The following CFAP65 variants were observed in gnomAD, a reference collection of about 807,000 sequenced individuals.
CFAP65 encodes cilia- and flagella-associated protein 65.
A neutral mutation model predicts 208.0 loss-of-function variants in CFAP65; 155 were observed. The observed-to-expected ratio is 0.75, with a 90% CI of 0.65 to 0.85. CFAP65 has a LOEUF of 0.85. Among genes scored for constraint, CFAP65 ranks in the 40% least tolerant of loss-of-function variants. The pLI is 0.00. For missense variants in CFAP65, 2,294 were observed against 2,451.3 expected, an observed-to-expected ratio of 0.94 and a Z score of 1.36; for synonymous variants, 970 against 986.3, an observed-to-expected ratio of 0.98 and a Z score of 0.31.
chr2:219,010,667 G>T lies in CFAP65; in HGVS notation c.4187C>A (p.Ala1396Asp), dbSNP rs370479652. The T allele has an allele frequency of 1.6e-5, 25 of 1,610,420 alleles. No individual in the cohort carries two copies. The highest frequency in any genetic ancestry group is 2.0e-5 in the Non-Finnish European group (23 of 1,178,916). ...GCCCACTCCCTGGAAGTGGATGAGGGCCGAGTTCCATCCCAGGATGTGTAT... is the reference window on the plus strand; with the variant it reads ...GCCCACTCCCTGGAAGTGGATGAGGTCCGAGTTCCATCCCAGGATGTGTAT... ...VPIHILGWNS[A>D]LIHFQGVGYN... The change falls in exon 26 of 35, where the codon GCC becomes GAC. Residue 1396 changes from alanine (A) to aspartate (D), a missense_variant. Coordinates refer to ENST00000341552, the MANE Select transcript of CFAP65 (RefSeq NM_194302.4).
At position 219,005,499 on chromosome 2, in the gene CFAP65, G is replaced by T; in HGVS notation, c.4986C>A (p.Asn1662Lys). Residue 1662 changes from asparagine (N) to lysine (K), a missense_variant, in exon 32 of 35, where the codon AAC (asparagine) becomes AAA (lysine). Physicochemically the swap from Asn to Lys is moderately conservative, Grantham distance 94. Transcript: ENST00000341552. ...TCTGCTTGGAAACAGGGCCCCACTT[G>T]TTAGGGGATTTTTCCTCAGAAGTCT... is the stretch of plus-strand genomic sequence containing the variant. ...ESETSEEKSP[N>K]KWGPVSKQKK... 2.5e-6 allele frequency: 4 copies of T among 1,613,546 alleles called. No homozygotes were observed. Among genetic ancestry groups the T allele is most frequent in the Middle Eastern group, 1.7e-4 (1 of 5,850 alleles).
Position 219,004,297 on chromosome 2 carries a change from C to A in CFAP65, c.5210G>T (p.Ser1737Ile). ...LMPILPVPSS[S>I]WEDGKGKQPK... ...CTGCTTGCCCTTCCCATCCTCCCAG[C>A]TGCTGGAGGGTACAGGCAGGATTGG... is the stretch of plus-strand genomic sequence containing the variant. The change falls in exon 33 of 35, where the codon AGC becomes ATC. Residue 1737 changes from serine (S) to isoleucine (I), a missense_variant. By Grantham distance (142) the Ser-to-Ile change is moderately radical (BLOSUM62 -2). Transcript: ENST00000341552. The surrounding 1 kb of genome is among the most constrained non-coding windows in gnomAD (Gnocchi z 4.7). 2 of 1,614,154 alleles carry A rather than the reference C, an allele frequency of 1.2e-6. No individual in the cohort carries two copies. Among genetic ancestry groups the A allele is most frequent in the South Asian group, 2.2e-5 (2 of 91,082 alleles).
At chr2:219,011,270 CTTT>C (rs528817484) in intron 24 of CFAP65, among the ~76,000 whole-genome samples, 2 of 107,098 alleles carry the variant, frequency 1.9e-5, no homozygotes, top group African/African-American at 3.6e-5. Context: ...CTTTTTCTTT[CTTT>C]TTTTTTTTTT....
At chr2:219,040,199 T>A (rs1948588440) in intron 2 of CFAP65, among the ~76,000 whole-genome samples, 1 of 152,166 alleles carries the variant, frequency 6.6e-6, no homozygotes, top group African/African-American at 2.4e-5. Context: ...ACTTGCCCAT[T>A]TATTTGGCCT....
At chr2:219,028,611 C>G (rs1029717824) in intron 11 of CFAP65, among the ~76,000 whole-genome samples, 1 of 152,072 alleles carries the variant, frequency 6.6e-6, no homozygotes, top group African/African-American at 2.4e-5. Context: ...GAGAGCACCC[C>G]GGTCCTTAGG....
At chr2:219,017,310 G>A (rs1559132197) in intron 21 of CFAP65, among the ~76,000 whole-genome samples, 2 of 152,260 alleles carry the variant, frequency 1.3e-5, no homozygotes, top group African/African-American at 2.4e-5. Context: ...AAGCAGAGGC[G>A]CGAAGGGGAG....
chr2:219,013,490 AG>A, intron 23 of CFAP65, 28 bp downstream of exon 23: 1 of 1,585,372 alleles, frequency 6.3e-7, no homozygotes, highest in Non-Finnish European at 8.6e-7. Context: ...GCCTGAAACT[AG>A]GGCAGGGCCA....
Position 219,031,442 on chromosome 2 carries a change from T to G in CFAP65, c.815+47A>C, listed in dbSNP as rs753857030. 6.2e-7 allele frequency: 1 copy of G among 1,613,412 alleles called. No homozygotes were observed. Among genetic ancestry groups the G allele is most frequent in the Admixed American group, 1.7e-5 (1 of 59,968 alleles). On this transcript the variant is annotated intron_variant, in intron 7 of 34. Coordinates refer to ENST00000341552, the MANE Select transcript of CFAP65 (RefSeq NM_194302.4). The surrounding 1 kb of genome is among the most constrained non-coding windows in gnomAD (Gnocchi z 5.2). ...CTGTCTCTCCTGCTTCCAGACACCC[T>G]CCTCACAGCTCTTGCTCTCCCCGCC... is the stretch of plus-strand genomic sequence containing the variant.
Position 219,005,519 on chromosome 2 carries a change from A to G in CFAP65, c.4966T>C (p.Ser1656Pro), listed in dbSNP as rs115409821. 1,130 of 1,612,990 alleles carry G rather than the reference A, an allele frequency of 7.0e-4. 7 individuals carry two copies. In the African/African-American group the frequency reaches 0.014, roughly 20 times the overall value. ...CACTTGTTAGGGGATTTTTCCTCAG[A>G]AGTCTCTGACTCTTCCCTGGGGGCC... ...RKAPREESET[S>P]EEKSPNKWGP... Residue 1656 changes from serine (S) to proline (P), a missense_variant, in exon 32 of 35, where the codon TCT becomes CCT. By Grantham distance (74) the Ser-to-Pro change is moderately conservative (BLOSUM62 -1). Around this residue, in one of 2 missense-constraint regions of CFAP65, gnomAD observed 1,427 missense variants for 1,438.7 expected, o/e 0.99. Coordinates refer to ENST00000341552, the MANE Select transcript of CFAP65 (RefSeq NM_194302.4).
Position 219,003,245 on chromosome 2 carries a change from C to A in CFAP65, c.5583G>T (p.Glu1861Asp). ...RRLPAFANLQ[E>D]ALLENMIQNI... ...TCTGGATCATGTTCTCCAGCAGCGC[C>A]TCCTGCAGGTTGGCGAAGGCCGGGA... Residue 1861 changes from glutamate to aspartate, a missense_variant, in exon 34 of 35, where the codon GAG becomes GAT. Physicochemically the swap from Glu to Asp is conservative, Grantham distance 45 (BLOSUM62 2). Coordinates refer to ENST00000341552, the MANE Select transcript of CFAP65 (RefSeq NM_194302.4). This position sits in a 1 kb window ranked among gnomAD's most constrained non-coding sequence, Gnocchi z 4.4. The A allele has an allele frequency of 6.5e-7, 1 of 1,546,084 alleles. No homozygotes were observed. The highest frequency in any genetic ancestry group is 1.2e-5 in the South Asian group (1 of 83,818).
At chr2:219,030,327 G>T in intron 9 of CFAP65, 119 bp from the exon 10 acceptor site, 1 of 1,047,296 alleles carries the variant, frequency 9.5e-7, no homozygotes, top group Non-Finnish European at 1.4e-6. Context: ...CTGGCATCCA[G>T]CCTGTGCCCC....
chr2:219,029,602 T>A lies in CFAP65; in HGVS notation c.1451A>T (p.Glu484Val). 6.2e-7 allele frequency: 1 copy of A among 1,614,104 alleles called. No homozygotes were observed. The highest frequency in any genetic ancestry group is 8.5e-7 in the Non-Finnish European group (1 of 1,180,010). ...TTGGTTCTCAATCCACAGGGGCTGC[T>A]CGGAGCGCTCCCCAAGGTTGACCCA... Reference protein sequence around the residue: ...FSWVNLGERSEQPLWIENQSD... With the variant: ...FSWVNLGERSVQPLWIENQSD... The change falls in exon 11 of 35, where the codon GAG (glutamate) becomes GTG (valine). Residue 484 changes from glutamate to valine, a missense_variant. Physicochemically the swap from Glu to Val is moderately radical, Grantham distance 121 (BLOSUM62 -2). Around this residue, in one of 2 missense-constraint regions of CFAP65, gnomAD observed 867 missense variants for 1,012.6 expected, o/e 0.86. Coordinates refer to ENST00000341552, the MANE Select transcript of CFAP65 (RefSeq NM_194302.4).
chr2:219,023,078 C>T (rs1947373037), intron 16 of CFAP65, 129 bp downstream of exon 16: 17 of 755,212 alleles, frequency 2.3e-5, no homozygotes, highest in Admixed American at 6.8e-5. Flanking sequence ...AACACCTCAT[C>T]GCCAGGTGGG....
At position 219,039,066 on chromosome 2, in the gene CFAP65, C is replaced by A. The variant is rs1574665990; in HGVS notation, c.-2-16G>T. 9 of 1,585,198 alleles carry A rather than the reference C, an allele frequency of 5.7e-6. No individual in the cohort carries two copies. The East Asian group carries it at 1.6e-4, about 28-fold the overall frequency. On this transcript the variant is annotated splice_polypyrimidine_tract_variant and intron_variant, in intron 2 of 34. Transcript: ENST00000341552. ...GTAAACATCACTGAAATAAATCAAT[C>A]AAAGCATAAGTCAATCCATCTCCAG...
At chr2:219,029,315 C>T in intron 11 of CFAP65, 88 bp downstream of exon 11, 4 of 1,502,288 alleles carry the variant, frequency 2.7e-6, no homozygotes, top group Non-Finnish European at 3.6e-6. Flanking sequence ...TTCCAGAATA[C>T]AGGGAAGTGC....
At chr2:219,030,377 G>A (rs899822144) in intron 9 of CFAP65, among the ~76,000 whole-genome samples, 169 bp from the exon 10 acceptor site, 8 of 152,204 alleles carry the variant, frequency 5.3e-5, no homozygotes, top group Non-Finnish European at 1.0e-4. Context: ...AGAAGGGACC[G>A]AGTCATGTGC....
Position 219,003,959 on chromosome 2 carries a change from T to C in CFAP65, c.5548A>G (p.Ile1850Val), listed in dbSNP as rs1370671225. The stretch of plus-strand genomic sequence containing the variant: ...TGGGGCCTGGCTGCTCACCTTCTGA[T>C]GGCCTCCTTCTCGTCCTGTTCTTGC... ...EEQEQDEKEAIRRLPAFANLQ... is the reference protein window; with the variant it reads ...EEQEQDEKEAVRRLPAFANLQ... Residue 1850 changes from isoleucine to valine, a missense_variant, in exon 33 of 35, where the codon ATC becomes GTC. Ile to Val is a conservative substitution (Grantham distance 29). Transcript: ENST00000341552. The surrounding 1 kb of genome is among the most constrained non-coding windows in gnomAD (Gnocchi z 4.4). 6.2e-7 allele frequency: 1 copy of C among 1,610,522 alleles called. No individual in the cohort carries two copies. Among genetic ancestry groups the C allele is most frequent in the Non-Finnish European group, 8.5e-7 (1 of 1,177,504 alleles).
At chr2:219,029,272 A>G in intron 11 of CFAP65, 131 bp downstream of exon 11, 1 of 1,190,730 alleles carries the variant, frequency 8.4e-7, no homozygotes, top group Admixed American at 2.5e-5. Context: ...GGGGCCCAGG[A>G]GTGGGAGACC....
Position 219,013,868 on chromosome 2 carries a change from C to T in CFAP65, c.3779G>A (p.Ser1260Asn). The T allele has an allele frequency of 6.3e-7, 1 of 1,588,078 alleles. No homozygotes were observed. The highest frequency in any genetic ancestry group is 1.7e-4 in the Middle Eastern group (1 of 5,802). The change falls in exon 22 of 35, where the codon AGC becomes AAC. Residue 1260 changes from serine (S) to asparagine (N), a missense_variant and splice_region_variant. By Grantham distance (46) the Ser-to-Asn change is conservative. Transcript: ENST00000341552. ...GQEQMVELKY[S>N]HLFIGTDHLP... ...AGGGGGTTTGGGGGGTGGGGAACAC[C>T]TGTATTTTAACTCCACCATCTGCTC...
Sources: gnomAD v4.1 joint callset for allele counts (sites outside exome capture counted in the v4.1 genomes callset) on GRCh38, gnomAD v4.1.1 for gene constraint, gnomAD v4.1.1 regional missense constraint, Gnocchi (gnomAD v3.1) non-coding constraint, MANE v1.5 for transcripts, NCBI Gene and HGNC (gene_info 2026-07-23, HGNC 2026-07-21) for gene names.